The following HDAC9 variants were observed in gnomAD, a reference collection of about 807,000 sequenced individuals.
The protein encoded by HDAC9 is histone deacetylase 9, also known as MEF-2 interacting transcription repressor (MITR) protein.
In HDAC9, 41 loss-of-function variants were observed where a neutral mutation model predicts 139.4. The ratio of observed to expected loss-of-function variants is 0.29; its 90% confidence interval spans 0.23 to 0.38. The LOEUF (loss-of-function observed/expected upper bound fraction) is 0.38. HDAC9 is among the 10% of genes least tolerant of loss of function. The pLI is 1.00. For synonymous variants in HDAC9, 517 were observed against 476.2 expected (o/e 1.09, Z -1.12); for missense variants, 1,147 against 1,297.0 (o/e 0.88, Z 1.78).
chr7:18,762,424 A>T (rs1789471682), intron 15 of HDAC9, 147 bp downstream of exon 15: 1 of 752,266 alleles, frequency 1.3e-6, no homozygotes, highest in African/African-American at 1.8e-5. Context: ...AGTCATTTGC[A>T]ACAGAAGCCA....
chr7:18,791,093 G>T (rs532422286), intron 16 of HDAC9, among the ~76,000 whole-genome samples: 1 of 152,260 alleles, frequency 6.6e-6, no homozygotes, highest in Admixed American at 6.5e-5. Flanking sequence ...ATGCCCTTTA[G>T]TATGGTCAAA....
At chr7:18,830,513 T>A (rs1795783508) in intron 19 of HDAC9, among the ~76,000 whole-genome samples, 1 of 152,198 alleles carries the variant, frequency 6.6e-6, no homozygotes, top group African/African-American at 2.4e-5. Flanking sequence ...CATAATTAAA[T>A]CTTATTGGAA....
intron 1 of HDAC9, among the ~76,000 whole-genome samples, chr7:18,297,203 A>G (rs983720332): frequency 2.0e-5 from 3 of 152,234 alleles, no homozygotes; most frequent in Non-Finnish European, 4.4e-5. Flanking sequence ...AAAACACATT[A>G]TAAGCTTTTG....
intron 12 of HDAC9, among the ~76,000 whole-genome samples, chr7:18,711,394 T>C (rs1449731897): frequency 6.6e-6 from 1 of 152,212 alleles, no homozygotes; most frequent in African/African-American, 2.4e-5. Flanking sequence ...TACTGGAGTT[T>C]AATAACCCAA....
intron 2 of HDAC9, among the ~76,000 whole-genome samples, chr7:18,210,587 T>TA (rs1352396648): frequency 6.6e-6 from 1 of 152,226 alleles, no homozygotes; most frequent in East Asian, 1.9e-4. Flanking sequence ...CTGTGACACA[T>TA]AGACTTCCAG....
At chr7:18,251,971 A>C (rs943926882) in intron 2 of HDAC9, among the ~76,000 whole-genome samples, 4 of 152,180 alleles carry the variant, frequency 2.6e-5, no homozygotes, top group Admixed American at 2.6e-4. Context: ...GATGGCTTGC[A>C]TCTTCTCATT....
chr7:18,540,744 T>G (rs1418232062), intron 2 of HDAC9, among the ~76,000 whole-genome samples: 3 of 152,228 alleles, frequency 2.0e-5, no homozygotes, highest in African/African-American at 4.8e-5. Context: ...TTGTCTGTAA[T>G]GTAAGACTAT....
chr7:18,092,562 T>C (rs1290525146), intron 1 of HDAC9, among the ~76,000 whole-genome samples: 1 of 152,140 alleles, frequency 6.6e-6, no homozygotes, highest in Non-Finnish European at 1.5e-5. Flanking sequence ...ATGTGGGCTC[T>C]ATATCATAAA....
chr7:18,932,559 A>G (rs753365341), intron 22 of HDAC9, among the ~76,000 whole-genome samples: 1 of 152,092 alleles, frequency 6.6e-6, no homozygotes, highest in Non-Finnish European at 1.5e-5. Context: ...TTAATAATCT[A>G]CTGCATATTG....
At chr7:18,139,216 C>A (rs1353530895) in intron 1 of HDAC9, among the ~76,000 whole-genome samples, 1 of 150,316 alleles carries the variant, frequency 6.7e-6, no homozygotes, top group Non-Finnish European at 1.5e-5. Flanking sequence ...GCCTTGACCT[C>A]CTGGGCTCAA....
At chr7:18,318,074 A>G (rs1378669899) in intron 1 of HDAC9, among the ~76,000 whole-genome samples, 3 of 152,138 alleles carry the variant, frequency 2.0e-5, no homozygotes, top group African/African-American at 7.2e-5. Context: ...AAACAGCATC[A>G]AAGAGAGAGG....
In HDAC9 at chr7:18,184,808, A is replaced by G. The variant is rs76345688; in HGVS notation, c.25+22459A>G. On this transcript the variant is annotated intron_variant, in intron 2 of 12. Transcript: ENST00000417496. ...TTCAGAACAGCTATATAGTTGTGTC[A>G]GATATTTTAATATTATAGTACTGTA... is the stretch of plus-strand genomic sequence containing the variant. 7.9e-5 allele frequency among the ~76,000 whole-genome samples: 12 copies of G among 152,348 alleles called. No homozygotes were observed. In the East Asian group the frequency reaches 1.7e-3, roughly 22 times the overall value.
At chr7:18,178,972 C>G (rs985804229) in intron 2 of HDAC9, among the ~76,000 whole-genome samples, 9 of 152,118 alleles carry the variant, frequency 5.9e-5, no homozygotes, top group South Asian at 2.1e-4. Flanking sequence ...TTCTGTGTGT[C>G]TCCATTAAAG....
chr7:18,767,783 A>G (rs1200304983), intron 16 of HDAC9, among the ~76,000 whole-genome samples: 3 of 152,218 alleles, frequency 2.0e-5, no homozygotes, highest in Non-Finnish European at 4.4e-5. Context: ...CCTGAAATCT[A>G]TTTAAAGTTA....
chr7:18,255,769 C>T (rs1484631753), intron 2 of HDAC9, among the ~76,000 whole-genome samples: 3 of 151,772 alleles, frequency 2.0e-5, no homozygotes, highest in African/African-American at 7.3e-5. Flanking sequence ...GCTGGGATTA[C>T]AGGCACGCAC....
At chr7:18,910,854 T>G (rs924404729) in intron 22 of HDAC9, among the ~76,000 whole-genome samples, 1 of 151,998 alleles carries the variant, frequency 6.6e-6, no homozygotes, top group African/African-American at 2.4e-5. Flanking sequence ...TTGCTAGTAC[T>G]TTGTTGAGGA....
At chr7:18,405,582 C>T (rs1384880063) in intron 1 of HDAC9, among the ~76,000 whole-genome samples, 1 of 151,980 alleles carries the variant, frequency 6.6e-6, no homozygotes, top group African/African-American at 2.4e-5. Flanking sequence ...TCCAGCTTAC[C>T]TGGGCATCCT....
chr7:18,119,937 G>A (rs543317548), intron 1 of HDAC9, among the ~76,000 whole-genome samples: 3 of 152,280 alleles, frequency 2.0e-5, no homozygotes, highest in African/African-American at 7.2e-5. Flanking sequence ...TGGGGTGTTT[G>A]CCATGATCTT....
chr7:18,170,546 A>AG (rs1207287329), intron 2 of HDAC9, among the ~76,000 whole-genome samples: 3 of 138,608 alleles, frequency 2.2e-5, no homozygotes, highest in Non-Finnish European at 3.1e-5. Context: ...GGTATTGCCT[A>AG]GGTTTTCTTC....
Sources: allele counts gnomAD v4.1 joint callset (sites outside exome capture counted in the v4.1 genomes callset), GRCh38; gene constraint gnomAD v4.1.1; transcripts MANE v1.5; gene names NCBI Gene and HGNC (gene_info 2026-07-23, HGNC 2026-07-21).